Variants in PIK3CD observed in about 807,000 individuals in gnomAD.
PIK3CD encodes phosphatidylinositol 4,5-bisphosphate 3-kinase catalytic subunit delta isoform.
PIK3CD carries 20 observed loss-of-function variants against 122.9 expected under a neutral mutation model. The ratio of observed to expected loss-of-function variants is 0.16; its 90% CI spans 0.11 to 0.24. The LOEUF is 0.24. Among genes scored for constraint, PIK3CD ranks in the 10% least tolerant of loss-of-function variants. The pLI, the probability that PIK3CD is intolerant of heterozygous loss-of-function variation, is 1.00. For missense variants in PIK3CD, 787 were observed against 1,406.3 expected (o/e 0.56, Z 7.04); for synonymous variants, 596 against 593.4 (o/e 1.00, Z -0.06).
chr1:9,714,452 G>A (rs1557658095), intron 3 of PIK3CD, among the ~76,000 whole-genome samples: 2 of 152,152 alleles, frequency 1.3e-5, no homozygotes, highest in Admixed American at 6.6e-5. Context: ...CCAGGAAAAG[G>A]GTGGTTTGCT....
In PIK3CD at chr1:9,717,759, C is replaced by T. The variant is rs1319874734; in HGVS notation, c.1020+133C>T. 1.1e-5 allele frequency: 9 copies of T among 843,862 alleles called. No individual in the cohort carries two copies. Among genetic ancestry groups the T allele is most frequent in the Middle Eastern group, 2.2e-4 (1 of 4,500 alleles). The allele number at this position is 843,862 out of a possible 1,614,324, so 52.3% of individuals were successfully genotyped here. A position where few individuals can be genotyped will look rare whatever the true frequency, so the allele number is the denominator to read the frequency against. Reference sequence around the variant, plus strand: ...TGACCACATTACCCAGCATCCCTGCCTGGGGCGCTGTGAGCGGCTTGAAAA... The same window carrying T: ...TGACCACATTACCCAGCATCCCTGCTTGGGGCGCTGTGAGCGGCTTGAAAA... On this transcript the variant is annotated intron_variant, in intron 8 of 23. Coordinates refer to ENST00000377346, the MANE Select transcript of PIK3CD (RefSeq NM_005026.5). The surrounding 1 kb of genome is among the most constrained non-coding windows in gnomAD (Gnocchi z 5.4).
the PIK3CD span, among the ~76,000 whole-genome samples, chr1:9,640,548 C>T: frequency 6.6e-6 from 1 of 151,454 alleles, no homozygotes; most frequent in South Asian, 2.1e-4. Flanking sequence ...CATTGTACTC[C>T]AGCCTGGGCA....
intron 2 of PIK3CD, among the ~76,000 whole-genome samples, chr1:9,698,785 G>A (rs774226389): frequency 1.3e-5 from 2 of 152,182 alleles, no homozygotes; most frequent in African/African-American, 2.4e-5. Flanking sequence ...GTGCAGGCCT[G>A]TGGCCTCCCT....
intron 1 of PIK3CD, among the ~76,000 whole-genome samples, chr1:9,663,973 C>T (rs1003692159): frequency 1.3e-5 from 2 of 151,896 alleles, no homozygotes; most frequent in Non-Finnish European, 1.5e-5. Context: ...TTTCTTAATC[C>T]AGTCTATCAT....
rs187868720 is a variant in PIK3CD at position 9,704,006 on chromosome 1, C to G, written c.-32-6418C>G. On this transcript the variant is annotated intron_variant, in intron 2 of 23. Coordinates refer to ENST00000377346, the MANE Select transcript of PIK3CD (RefSeq NM_005026.5). The surrounding 1 kb of genome is among the most constrained non-coding windows in gnomAD (Gnocchi z 5.0). ...GGCATTTCTGAAGTCCCTGTACTCA[C>G]TGGCATCTCTGTCCTGTACATATCA... 6.6e-6 allele frequency among the ~76,000 whole-genome samples: 1 copy of G among 152,198 alleles called. No homozygotes were observed. Among genetic ancestry groups the G allele is most frequent in the African/African-American group, 2.4e-5 (1 of 41,454 alleles).
intron 2 of PIK3CD, among the ~76,000 whole-genome samples, chr1:9,702,440 C>A (rs1313215738): frequency 6.9e-6 from 1 of 144,300 alleles, no homozygotes; most frequent in Non-Finnish European, 1.5e-5. Flanking sequence ...CTCTAGATGG[C>A]AGCACAGAGA....
At position 9,715,529 on chromosome 1, in the gene PIK3CD, C is replaced by T. The variant is rs140984297; in HGVS notation, c.142-12C>T. On this transcript the variant is annotated splice_polypyrimidine_tract_variant and intron_variant, in intron 3 of 23. Coordinates refer to ENST00000377346, the MANE Select transcript of PIK3CD (RefSeq NM_005026.5). The surrounding 1 kb of genome is among the most constrained non-coding windows in gnomAD (Gnocchi z 4.1). ...CTTGGGTGGAGGGGCTGACCGGTGA[C>T]TGTCCCTCCAGCTGCTGTGGCACCG... is the stretch of plus-strand genomic sequence containing the variant. 2.0e-5 allele frequency: 32 copies of T among 1,611,576 alleles called. No homozygotes were observed. In the East Asian group the frequency reaches 6.9e-4, roughly 35 times the overall value.
rs1570372896 is a variant in PIK3CD at position 9,718,948 on chromosome 1, A to G, written c.1242+33A>G. ...CCAGGGCCGGCTGGGAGGGGTGCAGACCCCGGAGAGCCAGTACAGCCCCTT... is the reference window on the plus strand; with the variant it reads ...CCAGGGCCGGCTGGGAGGGGTGCAGGCCCCGGAGAGCCAGTACAGCCCCTT... On this transcript the variant is annotated intron_variant, in intron 9 of 23. Coordinates refer to ENST00000377346, the MANE Select transcript of PIK3CD (RefSeq NM_005026.5). The surrounding 1 kb of genome is among the most constrained non-coding windows in gnomAD (Gnocchi z 7.2). 2 of 1,592,960 alleles carry G rather than the reference A, an allele frequency of 1.3e-6. No individual in the cohort carries two copies. Among genetic ancestry groups the G allele is most frequent in the Non-Finnish European group, 1.7e-6 (2 of 1,166,674 alleles).
chr1:9,657,505 C>T (rs1399001926), intron 1 of PIK3CD, among the ~76,000 whole-genome samples: 1 of 152,036 alleles, frequency 6.6e-6, no homozygotes, highest in African/African-American at 2.4e-5. Context: ...GGACCATTGA[C>T]CCCAGCCTCC....
In PIK3CD at chr1:9,720,607, G is replaced by A. The variant is rs1017694177; in HGVS notation, c.1471-4G>A. ...GGGACGCTGAGTGCAGCCGTTTGTTGCAGATCTTGGAGCTGGGGCGACACA... is the reference window on the plus strand; with the variant it reads ...GGGACGCTGAGTGCAGCCGTTTGTTACAGATCTTGGAGCTGGGGCGACACA... On this transcript the variant is annotated splice_region_variant and splice_polypyrimidine_tract_variant and intron_variant, in intron 11 of 23. Transcript: ENST00000377346. The surrounding 1 kb of genome is among the most constrained non-coding windows in gnomAD (Gnocchi z 9.0). 7 of 1,495,696 alleles carry A rather than the reference G, an allele frequency of 4.7e-6. No homozygotes were observed. Among genetic ancestry groups the A allele is most frequent in the Non-Finnish European group, 6.3e-6 (7 of 1,116,236 alleles). 92.7% of individuals were successfully genotyped at this position (1,495,696 alleles called of 1,614,324 possible). A position where few individuals can be genotyped will look rare whatever the true frequency, so the allele number is the denominator to read the frequency against.
chr1:9,631,413 G>C, the PIK3CD span, among the ~76,000 whole-genome samples: 2 of 152,228 alleles, frequency 1.3e-5, no homozygotes, highest in Non-Finnish European at 2.9e-5. Flanking sequence ...CCAGCATTTT[G>C]GGAGGCCAAG....
intron 2 of PIK3CD, among the ~76,000 whole-genome samples, chr1:9,699,137 G>A (rs1646527870): frequency 1.3e-5 from 2 of 152,110 alleles, no homozygotes; most frequent in South Asian, 2.1e-4. Flanking sequence ...TTGAGCTTAC[G>A]AGGTCAAGGC....
At chr1:9,659,473 A>G (rs1644951378) in intron 1 of PIK3CD, among the ~76,000 whole-genome samples, 1 of 152,078 alleles carries the variant, frequency 6.6e-6, no homozygotes, top group African/African-American at 2.4e-5. Flanking sequence ...AACCGTCACC[A>G]CCGCCCACCC....
At position 9,692,949 on chromosome 1, in the gene PIK3CD, G is replaced by A. The variant is rs1291319364; in HGVS notation, c.-33+1378G>A. 2.6e-5 allele frequency among the ~76,000 whole-genome samples: 4 copies of A among 152,126 alleles called. No homozygotes were observed. In the East Asian group the frequency reaches 7.7e-4, roughly 29 times the overall value. ...ATAGATCATGTAGACCCCTGTTGGA[G>A]GATTAGAATTTCTTCCACACATCTA... is the stretch of plus-strand genomic sequence containing the variant. On this transcript the variant is annotated intron_variant, in intron 2 of 23. Transcript: ENST00000377346.
At chr1:9,637,266 A>G in the PIK3CD span, among the ~76,000 whole-genome samples, 1 of 151,602 alleles carries the variant, frequency 6.6e-6, no homozygotes, top group Admixed American at 6.6e-5. Flanking sequence ...ATGATGGTCC[A>G]CACCTGTGAT....
intron 1 of PIK3CD, among the ~76,000 whole-genome samples, chr1:9,679,121 G>A: frequency 6.8e-6 from 1 of 147,594 alleles, no homozygotes; most frequent in Non-Finnish European, 1.5e-5. Flanking sequence ...AGGCTGGAGT[G>A]CAATGGCACG....
chr1:9,664,049 CTTT>C (rs754341558), intron 1 of PIK3CD, among the ~76,000 whole-genome samples: 2 of 101,744 alleles, frequency 2.0e-5, no homozygotes, highest in Admixed American at 1.2e-4. Flanking sequence ...TTCTTTCTTT[CTTT>C]TTTTTTTTTT....
rs1024705807 is a variant in PIK3CD at position 9,700,617 on chromosome 1, C to T, written c.-33+9046C>T. Among the ~76,000 whole-genome samples the T allele has an allele frequency of 1.2e-4, 19 of 152,082 alleles. No individual in the cohort carries two copies. Among genetic ancestry groups the T allele is most frequent in the African/African-American group, 4.6e-4 (19 of 41,404 alleles). The stretch of plus-strand genomic sequence containing the variant: ...CCAGCTCCCCGCTCTGTGTCTAGGC[C>T]GTCTCACCTGCCCCTCCCCGGCTCC... On this transcript the variant is annotated intron_variant, in intron 2 of 23. Transcript: ENST00000377346. This position sits in a 1 kb window ranked among gnomAD's most constrained non-coding sequence, Gnocchi z 5.1.
Position 9,716,483 on chromosome 1 carries a change from C to A in PIK3CD, c.644C>A (p.Ala215Glu). Reference sequence around the variant, plus strand: ...GTGTCCACCAAGGACGTGCCGCTGGCGCTGATGGCCTGTGCCCTGCGGAAG... The same window carrying A: ...GTGTCCACCAAGGACGTGCCGCTGGAGCTGATGGCCTGTGCCCTGCGGAAG... ...FQVSTKDVPL[A>E]LMACALRKKA... is the part of the protein sequence containing the mutation. The change falls in exon 6 of 24, where the codon GCG (alanine) becomes GAG (glutamate). Residue 215 changes from alanine to glutamate, a missense_variant. Ala to Glu is a moderately radical substitution (Grantham distance 107, BLOSUM62 -1). Around this residue, in one of 6 missense-constraint regions of PIK3CD, gnomAD observed 592 missense variants for 920.6 expected, o/e 0.64. Coordinates refer to ENST00000377346, the MANE Select transcript of PIK3CD (RefSeq NM_005026.5). 1 of 1,611,108 alleles carries A rather than the reference C, an allele frequency of 6.2e-7. No homozygotes were observed. Among genetic ancestry groups the A allele is most frequent in the Non-Finnish European group, 8.5e-7 (1 of 1,179,934 alleles).
Sources: gnomAD v4.1 joint callset for allele counts (sites outside exome capture counted in the v4.1 genomes callset) on GRCh38, gnomAD v4.1.1 for gene constraint, gnomAD v4.1.1 regional missense constraint, Gnocchi (gnomAD v3.1) non-coding constraint, MANE v1.5 for transcripts, NCBI Gene and HGNC (gene_info 2026-07-23, HGNC 2026-07-21) for gene names.